ZNF251: variants seen among roughly 807,000 people sequenced by gnomAD.
ZNF251 encodes zinc finger protein 251.
ZNF251 carries 14 observed loss-of-function variants against 13.5 expected under a neutral mutation model. The ratio of observed to expected loss-of-function variants is 1.04; its 90% CI spans 0.69 to 1.63. The LOEUF (loss-of-function observed/expected upper bound fraction) is 1.63, where lower values mean the gene tolerates loss of function less well. Ranked by LOEUF, ZNF251 falls within the 40% of genes most tolerant of loss-of-function variation. The pLI is 0.00. For synonymous variants in ZNF251, 287 were observed against 295.2 expected (o/e 0.97, Z 0.28); for missense variants, 764 against 834.9 (o/e 0.92, Z 1.05).
At chr8:144,741,913 T>C (rs1392621904) in intron 4 of ZNF251, among the ~76,000 whole-genome samples, 1 of 152,118 alleles carries the variant, frequency 6.6e-6, no homozygotes, top group Non-Finnish European at 1.5e-5. Context: ...GAGAGAATGG[T>C]ACAGAAAGAA....
intron 4 of ZNF251, among the ~76,000 whole-genome samples, chr8:144,728,932 T>C (rs1823603332): frequency 1.3e-5 from 2 of 149,772 alleles, no homozygotes; most frequent in Non-Finnish European, 3.0e-5. Context: ...CTACTAAAAA[T>C]ACAAAATTAG....
At chr8:144,729,282 T>A (rs1404291927) in intron 4 of ZNF251, among the ~76,000 whole-genome samples, 1 of 151,906 alleles carries the variant, frequency 6.6e-6, no homozygotes, top group Non-Finnish European at 1.5e-5. Flanking sequence ...ATTTTCTCCA[T>A]GCGTAGTGCC....
Position 144,734,535 on chromosome 8 carries a change from G to T in ZNF251, c.278-11153C>A, listed in dbSNP as rs1823820861. Among the ~76,000 whole-genome samples the T allele has an allele frequency of 6.6e-6, 1 of 152,202 alleles. No individual in the cohort carries two copies. Among genetic ancestry groups the T allele is most frequent in the Admixed American group, 6.5e-5 (1 of 15,282 alleles). On this transcript the variant is annotated intron_variant, in intron 4 of 4. Coordinates refer to ENST00000292562, the MANE Select transcript of ZNF251 (RefSeq NM_138367.2). The surrounding 1 kb of genome is among the most constrained non-coding windows in gnomAD (Gnocchi z 4.4). The stretch of plus-strand genomic sequence containing the variant: ...GTGCCGCTGGCCCTGTGGTCCTGGG[G>T]CCTGGGGGCCAACCCTGACACCAGA...
chr8:144,732,729 G>C (rs369629405), intron 4 of ZNF251, among the ~76,000 whole-genome samples: 3 of 150,892 alleles, frequency 2.0e-5, no homozygotes, highest in Non-Finnish European at 4.4e-5. Context: ...GGAGAATGGC[G>C]TGAACCCGGG....
At position 144,722,769 on chromosome 8, in the gene ZNF251, C is replaced by A; in HGVS notation, c.891G>T (p.Glu297Asp). ...HTGEKPFGCG[E>D]CGKAFSRSST... The stretch of plus-strand genomic sequence containing the variant: ...AGCTTCGACTGAAAGCCTTCCCACA[C>A]TCACCACAGCCAAAGGGTTTTTCTC... The change falls in exon 5 of 5, where the codon GAG (glutamate) becomes GAT (aspartate). Residue 297 changes from glutamate to aspartate, a missense_variant. Transcript: ENST00000292562. This position sits in a 1 kb window ranked among gnomAD's most constrained non-coding sequence, Gnocchi z 4.8. 1 of 1,614,068 alleles carries A rather than the reference C, an allele frequency of 6.2e-7. No individual in the cohort carries two copies. Among genetic ancestry groups the A allele is most frequent in the Non-Finnish European group, 8.5e-7 (1 of 1,179,936 alleles).
At chr8:144,753,273 C>CG (rs1325890239) in intron 4 of ZNF251, among the ~76,000 whole-genome samples, 11 of 38,562 alleles carry the variant, frequency 2.9e-4, no homozygotes, top group African/African-American at 8.4e-4. Context: ...GATTCTGTCT[C>CG]GAAAAAAAAA....
At chr8:144,732,674 T>G (rs1006208718) in intron 4 of ZNF251, among the ~76,000 whole-genome samples, 4 of 151,880 alleles carry the variant, frequency 2.6e-5, no homozygotes, top group Non-Finnish European at 5.9e-5. Context: ...TAGCTGGGTG[T>G]GGTGGCAGGC....
chr8:144,749,918 T>C (rs1312532684), intron 4 of ZNF251, among the ~76,000 whole-genome samples: 1 of 150,538 alleles, frequency 6.6e-6, no homozygotes, highest in African/African-American at 2.4e-5. Flanking sequence ...ATGATCTCGC[T>C]ATGCTGCCTA....
At position 144,755,467 on chromosome 8, in the gene ZNF251, C is replaced by G. The variant is rs993341851; in HGVS notation, c.-138G>C. ...CGAGGAGCTGCGCAGTCGCACCGAG[C>G]CCGGAACGGACCCTCCCACAGAACC... On this transcript the variant is annotated 5_prime_UTR_variant, in exon 1 of 5. Transcript: ENST00000292562. 2.3e-6 allele frequency: 3 copies of G among 1,287,604 alleles called. No individual in the cohort carries two copies. The highest frequency in any genetic ancestry group is 3.0e-6 in the Non-Finnish European group (3 of 988,736). The allele number at this position is 1,287,604 out of a possible 1,614,324, so 79.8% of individuals were successfully genotyped here.
chr8:144,745,747 CTA>C (rs1297142032), intron 4 of ZNF251, among the ~76,000 whole-genome samples: 1 of 152,074 alleles, frequency 6.6e-6, no homozygotes, highest in Non-Finnish European at 1.5e-5. Flanking sequence ...TGGGGTCTCA[CTA>C]TGTTGCCTAG....
In ZNF251 at chr8:144,754,235, G is replaced by C; in HGVS notation, c.120C>G (p.Tyr40Ter). The C allele has an allele frequency of 6.2e-7, 1 of 1,614,040 alleles. No individual in the cohort carries two copies. Among genetic ancestry groups the C allele is most frequent in the Non-Finnish European group, 8.5e-7 (1 of 1,179,968 alleles). The change falls in exon 3 of 5, where the codon TAC becomes TAG. Residue 40 changes from tyrosine to a stop codon, truncating the protein, a stop_gained. Transcript: ENST00000292562. LOFTEE classifies it high-confidence loss of function. ...CATAGTTCTCCAGCATCACATCCCG[G>C]TAGAGCGCCCGCTGCTGGGGGCCCA... Reference protein sequence around the residue: ...RQLGPQQRALYRDVMLENYGN... With the variant: ...RQLGPQQRAL
Position 144,753,808 on chromosome 8 carries a change from G to A in ZNF251, c.164-12C>T. ...AGGGACAGGGAATCCTGTTGAGGAT[G>A]AGGACACTGGTGAGCTGGCATGGCC... On this transcript the variant is annotated splice_polypyrimidine_tract_variant and intron_variant, in intron 3 of 4. Coordinates refer to ENST00000292562, the MANE Select transcript of ZNF251 (RefSeq NM_138367.2). 1 of 1,554,802 alleles carries A rather than the reference G, an allele frequency of 6.4e-7. No individual in the cohort carries two copies. The highest frequency in any genetic ancestry group is 8.7e-7 in the Non-Finnish European group (1 of 1,147,262).
At chr8:144,748,675 A>G (rs546791255) in intron 4 of ZNF251, among the ~76,000 whole-genome samples, 1 of 152,212 alleles carries the variant, frequency 6.6e-6, no homozygotes, top group South Asian at 2.1e-4. Context: ...ATCCTACCAC[A>G]TCAGCCTCTT....
intron 4 of ZNF251, among the ~76,000 whole-genome samples, chr8:144,746,006 G>GAA (rs1306756229): frequency 6.2e-4 from 94 of 152,208 alleles, no homozygotes; most frequent in African/African-American, 2.2e-3. Flanking sequence ...CACAGATTTT[G>GAA]TACATATTTT....
Position 144,722,266 on chromosome 8 carries a change from T to G in ZNF251, c.1394A>C (p.Glu465Ala), listed in dbSNP as rs746840053. ...GCTCTGGCTGAAAGCTTTCCCACAT[T>G]CAACGCACTGGTAGGGCTTCTCCCC... ...HTGEKPYQCV[E>A]CGKAFSQSSQ... Residue 465 changes from glutamate (E) to alanine (A), a missense_variant, in exon 5 of 5, where the codon GAA becomes GCA. Transcript: ENST00000292562. This position sits in a 1 kb window ranked among gnomAD's most constrained non-coding sequence, Gnocchi z 4.8. The G allele has an allele frequency of 6.2e-7, 1 of 1,613,848 alleles. No individual in the cohort carries two copies. Among genetic ancestry groups the G allele is most frequent in the Non-Finnish European group, 8.5e-7 (1 of 1,179,942 alleles).
intron 4 of ZNF251, chr8:144,738,577 C>T: frequency 1.0e-6 from 1 of 985,470 alleles, no homozygotes; most frequent in Non-Finnish European, 1.2e-6. Context: ...GAGGACCAAT[C>T]AGTCAAATTG....
rs186296637 is a variant in ZNF251, at chr8:144,741,136, G to A, written c.277+12547C>T. Among the ~76,000 whole-genome samples, 391 of 152,320 alleles carry A rather than the reference G, an allele frequency of 2.6e-3. 3 individuals carry two copies. The highest frequency in any genetic ancestry group is 4.2e-3 in the Non-Finnish European group (285 of 68,026). On this transcript the variant is annotated intron_variant, in intron 4 of 4. Transcript: ENST00000292562. ...CAGCATCGCAAACGCAGACGGGCCC[G>A]AGGTGGATCTCAAAAGTGTCCAAAA...
intron 4 of ZNF251, among the ~76,000 whole-genome samples, chr8:144,739,206 C>T (rs1824042332): frequency 6.6e-6 from 1 of 151,632 alleles, no homozygotes; most frequent in African/African-American, 2.4e-5. Flanking sequence ...CTCCACTCCC[C>T]CAAACTAGGA....
At chr8:144,725,469 T>A (rs1823493996) in intron 4 of ZNF251, among the ~76,000 whole-genome samples, 5 of 151,864 alleles carry the variant, frequency 3.3e-5, no homozygotes. Context: ...ATTCCTTATT[T>A]TTTTGTAGAG....
Sources: allele counts gnomAD v4.1 joint callset (sites outside exome capture counted in the v4.1 genomes callset), GRCh38; gene constraint gnomAD v4.1.1; non-coding constraint Gnocchi (gnomAD v3.1); transcripts MANE v1.5; gene names NCBI Gene and HGNC (gene_info 2026-07-23, HGNC 2026-07-21).